Variants in EI24 observed in about 807,000 individuals in gnomAD.
EI24 encodes etoposide-induced protein 2.4 homolog.
A neutral mutation model predicts 48.6 loss-of-function variants in EI24; 21 were observed. The observed-to-expected ratio is 0.43, with a 90% CI of 0.31 to 0.62. The LOEUF is 0.62. Among genes scored for constraint, EI24 ranks in the 20% least tolerant of loss-of-function variants. The pLI, the probability that EI24 is intolerant of heterozygous loss-of-function variation, is 0.10. For synonymous variants in EI24, 114 were observed against 145.5 expected, an observed-to-expected ratio of 0.78 and a Z score of 1.56; for missense variants, 280 against 410.5, an observed-to-expected ratio of 0.68 and a Z score of 2.75.
intron 1 of EI24, 26 bp from the exon 2 acceptor site, chr11:125,572,432 C>A: frequency 8.9e-7 from 1 of 1,123,972 alleles, no homozygotes; most frequent in Non-Finnish European, 1.3e-6. Flanking sequence ...AAATATTTGC[C>A]TCCATTATGT....
intron 2 of EI24, among the ~76,000 whole-genome samples, chr11:125,573,750 C>A (rs1003900953): frequency 7.3e-6 from 1 of 136,786 alleles, no homozygotes; most frequent in African/African-American, 2.8e-5. Flanking sequence ...GGTGCAATCT[C>A]GGCTCACTGC....
At chr11:125,583,467 G>A (rs750469770) in intron 10 of EI24, 54 bp from the exon 11 acceptor site, 43 of 1,424,098 alleles carry the variant, frequency 3.0e-5, no homozygotes, top group Non-Finnish European at 3.8e-5. Flanking sequence ...GTCAAACAAC[G>A]GAAATAATTT....
intron 2 of EI24, 50 bp downstream of exon 2, chr11:125,572,619 T>TG: frequency 4.7e-6 from 7 of 1,484,756 alleles, no homozygotes; most frequent in Non-Finnish European, 6.5e-6. Context: ...TTTTTTTTTT[T>TG]GCTGAAGGAA....
chr11:125,573,131 C>T (rs980421726), intron 2 of EI24, among the ~76,000 whole-genome samples: 3 of 151,858 alleles, frequency 2.0e-5, no homozygotes, highest in African/African-American at 7.3e-5. Flanking sequence ...GTCTCAAACT[C>T]CTGGGCTCAA....
intron 6 of EI24, among the ~76,000 whole-genome samples, chr11:125,578,572 TCTC>T (rs1390621565): frequency 2.0e-5 from 3 of 149,444 alleles, no homozygotes; most frequent in South Asian, 2.2e-4. Context: ...TTCAAGCAAT[TCTC>T]CTGCTTCAGC....
Position 125,583,815 on chromosome 11 carries a change from T to C in EI24, c.*132T>C, listed in dbSNP as rs752040162. On this transcript the variant is annotated 3_prime_UTR_variant, in exon 11 of 11. Transcript: ENST00000278903. ...GGCCCTCTGCGTATTCCCTTCTCTC[T>C]GAGGAATTGAAATTTTTGTCTCTGG... is the stretch of plus-strand genomic sequence containing the variant. 38 of 1,284,356 alleles carry C rather than the reference T, an allele frequency of 3.0e-5. No individual in the cohort carries two copies. Among genetic ancestry groups the C allele is most frequent in the Non-Finnish European group, 4.1e-5 (38 of 934,478 alleles). 79.6% of individuals were successfully genotyped at this position (1,284,356 alleles called of 1,614,324 possible).
Position 125,579,003 on chromosome 11 carries a change from A to G in EI24, c.496A>G (p.Ser166Gly), listed in dbSNP as rs1938874839. ...VSGRKPHPFP[S>G]VSKIIADMLF... ...AGGGAGGAAGCCTCACCCATTCCCT[A>G]GTGTCAGCAAAATAATTGCTGACAT... is the stretch of plus-strand genomic sequence containing the variant. The change falls in exon 7 of 11, where the codon AGT (serine) becomes GGT (glycine). Residue 166 changes from serine to glycine, a missense_variant. Ser to Gly is a moderately conservative substitution (Grantham distance 56). This residue lies in a region of EI24 where 204 missense variants were observed against 294.1 expected (regional missense o/e 0.69). Coordinates refer to ENST00000278903, the MANE Select transcript of EI24 (RefSeq NM_004879.5). The G allele has an allele frequency of 4.4e-6, 7 of 1,589,978 alleles. No homozygotes were observed. Among genetic ancestry groups the G allele is most frequent in the Non-Finnish European group, 5.1e-6 (6 of 1,167,204 alleles).
In EI24 at chr11:125,578,194, C is replaced by T; in HGVS notation, c.378C>T (p.Phe126=). Residue 126 remains phenylalanine (F), a synonymous_variant, in exon 6 of 11, where the codon TTC becomes TTT. Transcript: ENST00000278903. The stretch of plus-strand genomic sequence containing the variant: ...TGGAATTCTTCCTCACGTCAATTTT[C>T]AGTGCTCTTTGGGTGCTCCCCTTGT... ...SWLEFFLTSI[F]SALWVLPLFV... 6.2e-7 allele frequency: 1 copy of T among 1,613,990 alleles called. No homozygotes were observed. The highest frequency in any genetic ancestry group is 1.3e-5 in the African/African-American group (1 of 75,044).
intron 3 of EI24, 119 bp from the exon 4 acceptor site, chr11:125,576,136 A>G (rs1439985651): frequency 3.1e-6 from 3 of 959,384 alleles, no homozygotes; most frequent in African/African-American, 1.6e-5. Flanking sequence ...CATTGGGAGA[A>G]CATGAGGCAC....
At chr11:125,572,722 G>T (rs1938578763) in intron 2 of EI24, among the ~76,000 whole-genome samples, 153 bp downstream of exon 2, 1 of 150,680 alleles carries the variant, frequency 6.6e-6, no homozygotes, top group Non-Finnish European at 1.5e-5. Context: ...CACTACTCAA[G>T]AAATAGGTAT....
intron 6 of EI24, 94 bp downstream of exon 6, chr11:125,578,351 G>C: frequency 6.5e-7 from 1 of 1,538,158 alleles, no homozygotes; most frequent in Non-Finnish European, 8.9e-7. Flanking sequence ...CATGTAGGGG[G>C]ACCTGTTTTT....
In EI24 at chr11:125,572,504, A is replaced by AGTTG. The variant is rs1335102227; in HGVS notation, c.-23_-20dup. Reference sequence around the variant, plus strand: ...GGGGACACTTCTCTCTCCTGTGTGTAGTTGATAGTTTGGTGGTGAAGAGAT... The same window carrying AGTTG: ...GGGGACACTTCTCTCTCCTGTGTGTAGTTGGTTGATAGTTTGGTGGTGAAGAGAT... On this transcript the variant is annotated 5_prime_UTR_variant, in exon 2 of 11. An upstream open reading frame in the 5' UTR loses its in-frame stop. Transcript: ENST00000278903. The AGTTG allele has an allele frequency of 6.2e-7, 1 of 1,612,372 alleles. No individual in the cohort carries two copies.
chr11:125,577,136 G>T (rs1359031781), intron 4 of EI24, among the ~76,000 whole-genome samples: 1 of 152,116 alleles, frequency 6.6e-6, no homozygotes, highest in Non-Finnish European at 1.5e-5. Context: ...CTGTTGCTCA[G>T]GCTGGAGTGC....
chr11:125,571,007 G>C (rs1938514864), intron 1 of EI24, among the ~76,000 whole-genome samples: 1 of 152,190 alleles, frequency 6.6e-6, no homozygotes, highest in African/African-American at 2.4e-5. Flanking sequence ...TCTATCCGAA[G>C]TGAGCCTATC....
chr11:125,582,417 CA>C lies in EI24; in HGVS notation c.858del (p.Tyr287IlefsTer14). The C allele has an allele frequency of 6.3e-7, 1 of 1,599,798 alleles. No homozygotes were observed. The highest frequency in any genetic ancestry group is 2.2e-5 in the East Asian group (1 of 44,610). On this transcript the variant is annotated frameshift_variant and splice_region_variant, in exon 10 of 11. Transcript: ENST00000278903. LOFTEE classifies it high-confidence loss of function. Reference protein sequence around the residue: ...SANEAKTPGKAYLFQLRLFSL... With the variant: ...SANEAKTPGKXYLFQLRLFSL... ...AATGAAGCAAAGACCCCTGGCAAAG[CA>C]TAGTAAGTATTAGCCAGTGATGAAA...
chr11:125,580,286 A>T (rs749500526), intron 8 of EI24, 82 bp downstream of exon 8: 14 of 1,039,490 alleles, frequency 1.3e-5, no homozygotes, highest in Non-Finnish European at 2.1e-5. Flanking sequence ...AACTACTCAT[A>T]GTCAGGCTTT....
intron 6 of EI24, 69 bp from the exon 7 acceptor site, chr11:125,578,880 T>C: frequency 6.6e-7 from 1 of 1,511,152 alleles, no homozygotes; most frequent in Non-Finnish European, 8.9e-7. Context: ...GGCGGACTAG[T>C]GGCCTTAGCT....
intron 9 of EI24, 102 bp from the exon 10 acceptor site, chr11:125,582,244 G>T: frequency 9.2e-7 from 1 of 1,089,926 alleles, no homozygotes; most frequent in Non-Finnish European, 1.3e-6. Flanking sequence ...AAGCCATAAT[G>T]TTTACACTGG....
chr11:125,571,552 A>G (rs947046626), intron 1 of EI24, among the ~76,000 whole-genome samples: 2 of 152,152 alleles, frequency 1.3e-5, no homozygotes, highest in African/African-American at 4.8e-5. Context: ...TGTTTATTAA[A>G]ATTGTATCTG....
Sources: allele counts gnomAD v4.1 joint callset (sites outside exome capture counted in the v4.1 genomes callset), GRCh38; gene constraint gnomAD v4.1.1; regional missense constraint gnomAD v4.1.1; transcripts MANE v1.5; gene names NCBI Gene and HGNC (gene_info 2026-07-23, HGNC 2026-07-21).